The following RSPO1 variants were observed in gnomAD, a reference collection of about 807,000 sequenced individuals.
The protein encoded by RSPO1 is R-spondin-1.
RSPO1 carries 18 observed loss-of-function variants against 26.0 expected under a neutral mutation model. The ratio of observed to expected loss-of-function variants is 0.69; its 90% CI spans 0.48 to 1.03. The LOEUF (loss-of-function observed/expected upper bound fraction) is 1.03. Ranked by LOEUF, RSPO1 falls within the 50% of genes least tolerant of loss-of-function variation. The probability of loss-of-function intolerance (pLI) is 0.00; values close to 1 mark genes in which losing one functional copy is unlikely to be tolerated. For missense variants in RSPO1, 309 were observed against 352.3 expected (o/e 0.88, Z 0.98); for synonymous variants, 133 against 137.4 (o/e 0.97, Z 0.22).
At position 37,629,717 on chromosome 1, in the gene RSPO1, T is replaced by C. The variant is rs1006637871; in HGVS notation, c.-56A>G. 6.2e-7 allele frequency: 1 copy of C among 1,603,464 alleles called. No homozygotes were observed. The highest frequency in any genetic ancestry group is 8.5e-7 in the Non-Finnish European group (1 of 1,175,198). On this transcript the variant is annotated 5_prime_UTR_variant, in exon 3 of 7. Transcript: ENST00000356545. The stretch of plus-strand genomic sequence containing the variant: ...GAGGGGTGGTCTCGGGGAGGGTGGA[T>C]AGCACACGGCTCTTGCTAACACCTC...
At chr1:37,620,408 G>A (rs974929071) in intron 3 of RSPO1, among the ~76,000 whole-genome samples, 10 of 151,982 alleles carry the variant, frequency 6.6e-5, no homozygotes, top group Non-Finnish European at 1.5e-4. Context: ...CAGAACTTTG[G>A]GAAGCTGAGG....
intron 3 of RSPO1, among the ~76,000 whole-genome samples, chr1:37,623,577 GGATCGACC>G (rs1369621996): frequency 1.3e-5 from 2 of 151,894 alleles, no homozygotes; most frequent in Non-Finnish European, 2.9e-5. Flanking sequence ...TGAATATCCT[GGATCGACC>G]ATGGCATGGA....
At position 37,616,463 on chromosome 1, in the gene RSPO1, G is replaced by A. The variant is rs770614188; in HGVS notation, c.286+21C>T. On this transcript the variant is annotated intron_variant, in intron 4 of 6. Coordinates refer to ENST00000356545, the MANE Select transcript of RSPO1 (RefSeq NM_001242908.2). ...AGAGCTTCTAATGCCCCCTGCCCCC[G>A]ACAGCCCTGCCCACACTCACTGATG... is the stretch of plus-strand genomic sequence containing the variant. 52 of 1,612,196 alleles carry A rather than the reference G, an allele frequency of 3.2e-5. No homozygotes were observed. The Admixed American group carries it at 7.3e-4, about 23-fold the overall frequency.
chr1:37,622,977 GGACATT>G, intron 3 of RSPO1, among the ~76,000 whole-genome samples: 1 of 152,078 alleles, frequency 6.6e-6, no homozygotes. Flanking sequence ...CAGAGGCAGG[GGACATT>G]GATGGAGTAG....
At chr1:37,632,043 G>A (rs944232217) in intron 2 of RSPO1, 1 of 152,194 alleles carries the variant, frequency 6.6e-6, no homozygotes, top group Non-Finnish European at 1.5e-5. Flanking sequence ...CAAACTTGGT[G>A]TTAACCCTGG....
chr1:37,625,662 G>A (rs1016643258), intron 3 of RSPO1, among the ~76,000 whole-genome samples: 7 of 151,708 alleles, frequency 4.6e-5, no homozygotes, highest in South Asian at 2.1e-4. Flanking sequence ...GGCACGTCCC[G>A]CTGGTAGGCC....
chr1:37,630,551 G>A (rs1018204090), intron 2 of RSPO1, among the ~76,000 whole-genome samples: 3 of 152,234 alleles, frequency 2.0e-5, no homozygotes, highest in Non-Finnish European at 2.9e-5. Flanking sequence ...CTTTGTGAGA[G>A]GATAAAAGAG....
At chr1:37,625,082 A>G (rs981428097) in intron 3 of RSPO1, among the ~76,000 whole-genome samples, 6 of 152,312 alleles carry the variant, frequency 3.9e-5, no homozygotes, top group African/African-American at 1.4e-4. Flanking sequence ...CAAAGTCTCA[A>G]TGGAGTATTT....
chr1:37,631,101 T>C (rs1644355032), intron 2 of RSPO1, among the ~76,000 whole-genome samples: 1 of 151,966 alleles, frequency 6.6e-6, no homozygotes, highest in Admixed American at 6.5e-5. Flanking sequence ...CCTAATCCTT[T>C]CCCCTCTAGG....
intron 3 of RSPO1, among the ~76,000 whole-genome samples, chr1:37,627,750 T>C (rs143142760): frequency 6.6e-6 from 1 of 152,324 alleles, no homozygotes; most frequent in Non-Finnish European, 1.5e-5. Context: ...ATACATTGCA[T>C]TTCAGCTTCC....
At chr1:37,616,711 G>A (rs777128927) in intron 3 of RSPO1, 36 bp from the exon 4 acceptor site, 1 of 1,577,336 alleles carries the variant, frequency 6.3e-7, no homozygotes, top group Non-Finnish European at 8.7e-7. Flanking sequence ...AGGCGGCTGT[G>A]GAGAGAACCT....
At chr1:37,616,709 G>A (rs45577433) in intron 3 of RSPO1, 34 bp from the exon 4 acceptor site, 17 of 1,595,674 alleles carry the variant, frequency 1.1e-5, no homozygotes, top group African/African-American at 4.0e-5. Context: ...GAAGGCGGCT[G>A]TGGAGAGAAC....
At chr1:37,630,495 C>G (rs563924599) in intron 2 of RSPO1, among the ~76,000 whole-genome samples, 4 of 152,340 alleles carry the variant, frequency 2.6e-5, no homozygotes, top group Admixed American at 6.5e-5. Context: ...AGTAAGGCTT[C>G]CCCCGGCCAC....
rs371551242 is a variant in RSPO1 at position 37,613,744 on chromosome 1, C to A, written c.585G>T (p.Glu195Asp). 2.3e-5 allele frequency: 37 copies of A among 1,613,826 alleles called. No homozygotes were observed. In the African/African-American group the frequency reaches 3.9e-4, roughly 17 times the overall value. The change falls in exon 6 of 7, where the codon GAG becomes GAT. Residue 195 changes from glutamate (E) to aspartate (D), a missense_variant. By Grantham distance (45) the Glu-to-Asp change is conservative. Coordinates refer to ENST00000356545, the MANE Select transcript of RSPO1 (RefSeq NM_001242908.2). This position sits in a 1 kb window ranked among gnomAD's most constrained non-coding sequence, Gnocchi z 4.5. ...CTCTCCTCACTGTGCACCTCCGGGTCTCCTTGGTGTCAGAGCAGGCAGCAT... is the reference window on the plus strand; with the variant it reads ...CTCTCCTCACTGTGCACCTCCGGGTATCCTTGGTGTCAGAGCAGGCAGCAT... ...GDHAACSDTK[E>D]TRRCTVRRVP...
chr1:37,630,875 T>C (rs1644350641), intron 2 of RSPO1, among the ~76,000 whole-genome samples: 2 of 152,182 alleles, frequency 1.3e-5, no homozygotes, highest in African/African-American at 4.8e-5. Context: ...TGCAGGCCAA[T>C]AGCACAGAGT....
intron 3 of RSPO1, among the ~76,000 whole-genome samples, chr1:37,624,335 C>T (rs1046871093): frequency 6.6e-6 from 1 of 152,164 alleles, no homozygotes; most frequent in African/African-American, 2.4e-5. Flanking sequence ...GCAGGGCAAG[C>T]GGCCTTGCAG....
intron 3 of RSPO1, among the ~76,000 whole-genome samples, chr1:37,624,232 G>A (rs1325370736): frequency 6.6e-6 from 1 of 152,134 alleles, no homozygotes; most frequent in African/African-American, 2.4e-5. Context: ...ACCAGCCTTG[G>A]CAACATAGTG....
chr1:37,624,786 C>A (rs1439156610), intron 3 of RSPO1, among the ~76,000 whole-genome samples: 1 of 152,204 alleles, frequency 6.6e-6, no homozygotes, highest in Non-Finnish European at 1.5e-5. Context: ...TATTATCTAT[C>A]AATAGCTCCC....
intron 2 of RSPO1, among the ~76,000 whole-genome samples, chr1:37,630,866 G>T (rs139947547): frequency 1.5e-4 from 23 of 152,332 alleles, no homozygotes; most frequent in Admixed American, 5.9e-4. Context: ...AACAGAGCAT[G>T]CAGGCCAATA....
Sources: gnomAD v4.1 joint callset for allele counts (sites outside exome capture counted in the v4.1 genomes callset) on GRCh38, gnomAD v4.1.1 for gene constraint, Gnocchi (gnomAD v3.1) non-coding constraint, MANE v1.5 for transcripts, NCBI Gene and HGNC (gene_info 2026-07-23, HGNC 2026-07-21) for gene names.